Variants in CBFA2T2 observed in about 807,000 individuals in gnomAD.
CBFA2T2 encodes CBFA2/RUNX1 partner transcriptional co-repressor 2.
A neutral mutation model predicts 62.2 loss-of-function variants in CBFA2T2; 11 were observed. The ratio of observed to expected loss-of-function variants is 0.18; its 90% CI spans 0.11 to 0.29. The LOEUF (loss-of-function observed/expected upper bound fraction) is 0.29. CBFA2T2 is among the 10% of genes least tolerant of loss of function. The pLI is 1.00. For missense variants in CBFA2T2, 592 were observed against 774.1 expected (o/e 0.76, Z 2.79); for synonymous variants, 295 against 287.5 (o/e 1.03, Z -0.27).
chr20:33,549,829 A>C (rs1009971073), intron 1 of CBFA2T2, among the ~76,000 whole-genome samples: 2 of 151,108 alleles, frequency 1.3e-5, no homozygotes, highest in African/African-American at 4.9e-5. Flanking sequence ...ACATGTCTGC[A>C]GATGGCATTT....
At chr20:33,578,200 C>T (rs1415516171) in intron 1 of CBFA2T2, among the ~76,000 whole-genome samples, 1 of 152,086 alleles carries the variant, frequency 6.6e-6, no homozygotes, top group African/African-American at 2.4e-5. Context: ...AGTATTGGTA[C>T]ACCTAATTAA....
intron 8 of CBFA2T2, among the ~76,000 whole-genome samples, chr20:33,633,337 C>G (rs550335172): frequency 6.6e-6 from 1 of 151,514 alleles, no homozygotes; most frequent in African/African-American, 2.4e-5. Context: ...ACACACTGCA[C>G]TCCAGCCTGA....
intron 2 of CBFA2T2, among the ~76,000 whole-genome samples, chr20:33,607,682 C>T (rs770067662): frequency 1.3e-5 from 2 of 152,094 alleles, no homozygotes; most frequent in Non-Finnish European, 2.9e-5. Flanking sequence ...CTCCATTTTG[C>T]GTCCCTGGTG....
chr20:33,632,832 A>ATC (rs976256448), intron 8 of CBFA2T2, among the ~76,000 whole-genome samples: 1 of 152,038 alleles, frequency 6.6e-6, no homozygotes, highest in Non-Finnish European at 1.5e-5. Flanking sequence ...CAGTGGCACG[A>ATC]TCTTGCCTCA....
Position 33,648,079 on chromosome 20 carries a change from G to C in CBFA2T2, c.*3433G>C, listed in dbSNP as rs1406158972. 6.6e-6 allele frequency: 1 copy of C among 152,288 alleles called. No individual in the cohort carries two copies. The highest frequency in any genetic ancestry group is 1.5e-5 in the Non-Finnish European group (1 of 68,090). 9.4% of individuals were successfully genotyped at this position (152,288 alleles called of 1,614,324 possible). ...CCTTGCGTGGTTCCCAGCCTCTGCTGACAGCACCTCAGCTACCAGGTGGGG... is the reference window on the plus strand; with the variant it reads ...CCTTGCGTGGTTCCCAGCCTCTGCTCACAGCACCTCAGCTACCAGGTGGGG... On this transcript the variant is annotated 3_prime_UTR_variant, in exon 11 of 11. Transcript: ENST00000342704.
rs1156307604 is a variant in CBFA2T2 at position 33,494,273 on chromosome 20, ATTTTTTT to A, written c.34+3992_34+3998del. 2.1e-3 allele frequency among the ~76,000 whole-genome samples: 44 copies of A among 21,322 alleles called. 2 individuals are homozygous for A. Among genetic ancestry groups the A allele is most frequent in the Non-Finnish European group, 1.1e-3 (16 of 14,170 alleles). The allele number at this position is 21,322 out of a possible 152,430, so 14.0% of individuals were successfully genotyped here. On this transcript the variant is annotated intron_variant, in intron 1 of 10. Transcript: ENST00000342704. ...TATATATATATATATATATATATATATTTTTTTTTTTTTTTTTTTTTTTTTTGAGACA... is the reference window on the plus strand; with the variant it reads ...TATATATATATATATATATATATATATTTTTTTTTTTTTTTTTTTGAGACA...
intron 1 of CBFA2T2, among the ~76,000 whole-genome samples, chr20:33,526,341 T>C (rs1293842619): frequency 2.0e-5 from 3 of 152,220 alleles, no homozygotes; most frequent in Non-Finnish European, 4.4e-5. Context: ...ACTGATGATC[T>C]ACTGACAAAA....
intron 1 of CBFA2T2, among the ~76,000 whole-genome samples, chr20:33,559,172 CTT>C (rs376048540): frequency 7.6e-4 from 67 of 87,616 alleles, no homozygotes; most frequent in African/African-American, 2.5e-3. Context: ...TTTTTCCTTT[CTT>C]TTTTTTTTTT....
At chr20:33,517,613 C>A (rs2011624954) in intron 1 of CBFA2T2, among the ~76,000 whole-genome samples, 1 of 150,890 alleles carries the variant, frequency 6.6e-6, no homozygotes. Context: ...CCATGCACAG[C>A]TTTTTTGTAT....
intron 3 of CBFA2T2, among the ~76,000 whole-genome samples, chr20:33,615,012 A>T (rs1452904709): frequency 6.6e-6 from 1 of 152,212 alleles, no homozygotes; most frequent in East Asian, 1.9e-4. Context: ...ACATTCTTTT[A>T]CACGTGTGGA....
chr20:33,604,622 G>A (rs557288467), intron 1 of CBFA2T2, among the ~76,000 whole-genome samples: 2 of 152,316 alleles, frequency 1.3e-5, no homozygotes, highest in African/African-American at 4.8e-5. Flanking sequence ...AGAGTTCAGC[G>A]TTCTGCATTT....
At chr20:33,561,069 G>A (rs1442782244) in intron 1 of CBFA2T2, among the ~76,000 whole-genome samples, 1 of 151,566 alleles carries the variant, frequency 6.6e-6, no homozygotes, top group African/African-American at 2.4e-5. Flanking sequence ...GTAGAGACAG[G>A]GTTTCACCAT....
At chr20:33,500,125 T>G (rs2011254291) in intron 1 of CBFA2T2, among the ~76,000 whole-genome samples, 1 of 151,990 alleles carries the variant, frequency 6.6e-6, no homozygotes, top group South Asian at 2.1e-4. Flanking sequence ...ACCCGGCTAA[T>G]TTTTGTATTT....
intron 1 of CBFA2T2, among the ~76,000 whole-genome samples, chr20:33,494,273 ATT>A (rs1156307604): frequency 2.3e-3 from 49 of 21,332 alleles, no homozygotes; most frequent in African/African-American, 0.011. Flanking sequence ...ATATATATAT[ATT>A]TTTTTTTTTT....
chr20:33,535,220 A>G (rs2146872763), intron 1 of CBFA2T2, among the ~76,000 whole-genome samples: 1 of 152,392 alleles, frequency 6.6e-6, no homozygotes, highest in African/African-American at 2.4e-5. Flanking sequence ...AGCTAGCCAA[A>G]GGGCTAATCT....
chr20:33,579,115 GTTTT>G (rs533821689), intron 1 of CBFA2T2, among the ~76,000 whole-genome samples: 2 of 128,250 alleles, frequency 1.6e-5, no homozygotes, highest in East Asian at 2.3e-4. Context: ...GTTTTTTTTT[GTTTT>G]TTTTTTTTTT....
intron 1 of CBFA2T2, among the ~76,000 whole-genome samples, chr20:33,536,866 C>A (rs560409322): frequency 6.7e-6 from 1 of 148,300 alleles, no homozygotes; most frequent in African/African-American, 2.5e-5. Context: ...TGGGCAGAGA[C>A]GCTCCTCACT....
At chr20:33,545,784 A>G (rs1352362621) in intron 1 of CBFA2T2, among the ~76,000 whole-genome samples, 1 of 152,192 alleles carries the variant, frequency 6.6e-6, no homozygotes, top group Non-Finnish European at 1.5e-5. Flanking sequence ...ATAGAAAAAC[A>G]CAGAATTTCA....
intron 1 of CBFA2T2, among the ~76,000 whole-genome samples, chr20:33,572,144 T>G (rs2013599662): frequency 6.6e-6 from 1 of 152,186 alleles, no homozygotes; most frequent in East Asian, 1.9e-4. Flanking sequence ...CTGCCAACCT[T>G]GTTTATATGA....
Sources: allele counts gnomAD v4.1 joint callset (sites outside exome capture counted in the v4.1 genomes callset), GRCh38; gene constraint gnomAD v4.1.1; transcripts MANE v1.5; gene names NCBI Gene and HGNC (gene_info 2026-07-23, HGNC 2026-07-21).